The following ARHGAP32 variants were observed in gnomAD, a reference collection of about 807,000 sequenced individuals.
ARHGAP32 encodes the protein Rho GTPase activating protein 32, also known as rho GTPase-activating protein 32.
In ARHGAP32, 51 loss-of-function variants were observed where a neutral mutation model predicts 186.5. That is an observed-to-expected ratio of 0.27 (90% CI 0.22 to 0.35). The LOEUF is 0.35. Among genes scored for constraint, ARHGAP32 ranks in the 10% least tolerant of loss-of-function variants. ARHGAP32 has a pLI of 1.00. For missense variants in ARHGAP32, 2,186 were observed against 2,623.5 expected (o/e 0.83, Z 3.64); for synonymous variants, 950 against 964.3 (o/e 0.99, Z 0.27).
intron 1 of ARHGAP32, among the ~76,000 whole-genome samples, chr11:129,261,905 A>T (rs565246912): frequency 6.6e-6 from 1 of 152,356 alleles, no homozygotes; most frequent in Non-Finnish European, 1.5e-5. Flanking sequence ...TGCTGTAACA[A>T]GAAAAAAATC....
rs539039584 is a variant in ARHGAP32, at chr11:129,179,494, C to T, written c.116+12589G>A. Among the ~76,000 whole-genome samples, 607 of 151,968 alleles carry T rather than the reference C, an allele frequency of 4.0e-3. 1 individual carries two copies. Among genetic ancestry groups the T allele is most frequent in the African/African-American group, 0.014 (567 of 41,470 alleles). On this transcript the variant is annotated intron_variant, in intron 1 of 22. Coordinates refer to ENST00000682385, the MANE Select transcript of ARHGAP32 (RefSeq NM_001378024.1). ...ATGCTGCTATAAAGACACATGCACA[C>T]GTATGTTTATTGCGGCATTATTCAT...
chr11:129,013,439 G>C (rs1490797178), intron 11 of ARHGAP32, among the ~76,000 whole-genome samples: 2 of 152,186 alleles, frequency 1.3e-5, no homozygotes, highest in Admixed American at 1.3e-4. Context: ...ATGGTGACTA[G>C]TCATAAAGTC....
At chr11:129,089,811 TA>T (rs1179167947) in intron 6 of ARHGAP32, among the ~76,000 whole-genome samples, 12 of 152,194 alleles carry the variant, frequency 7.9e-5, no homozygotes, top group Non-Finnish European at 1.5e-4. Flanking sequence ...GCTAGCTTGG[TA>T]ACAATAAAAA....
chr11:129,103,465 G>C (rs1282586760), intron 5 of ARHGAP32, among the ~76,000 whole-genome samples: 2 of 152,046 alleles, frequency 1.3e-5, no homozygotes, highest in African/African-American at 2.4e-5. Context: ...AAGGAGATAA[G>C]AGAGAATGAA....
intron 2 of ARHGAP32, among the ~76,000 whole-genome samples, chr11:129,125,125 T>A (rs1361614702): frequency 6.6e-6 from 1 of 152,108 alleles, no homozygotes; most frequent in Non-Finnish European, 1.5e-5. Flanking sequence ...GAATAAGAAT[T>A]TTCATGCTTT....
intron 1 of ARHGAP32, among the ~76,000 whole-genome samples, chr11:129,241,626 C>T (rs532686234): frequency 1.3e-5 from 2 of 152,282 alleles, no homozygotes; most frequent in African/African-American, 4.8e-5. Flanking sequence ...GCCTGGGCAA[C>T]AGGGCAAGAC....
intron 7 of ARHGAP32, among the ~76,000 whole-genome samples, chr11:129,065,154 C>T (rs1489538882): frequency 2.0e-5 from 3 of 152,120 alleles, no homozygotes; most frequent in Non-Finnish European, 4.4e-5. Context: ...TTATCATCAG[C>T]GATCATACTA....
At chr11:128,976,277 A>C (rs1290639838) in intron 20 of ARHGAP32, among the ~76,000 whole-genome samples, 1 of 152,118 alleles carries the variant, frequency 6.6e-6, no homozygotes, top group Non-Finnish European at 1.5e-5. Flanking sequence ...GTAATAACAC[A>C]AGTTTTCACT....
rs1347035294 is a variant in ARHGAP32, at chr11:129,225,375, G to A, written c.-5+53771C>T. Among the ~76,000 whole-genome samples the A allele has an allele frequency of 6.6e-5, 10 of 152,242 alleles. No individual in the cohort carries two copies. In the East Asian group the frequency reaches 1.9e-3, roughly 29 times the overall value. ...TGACTCAGAGGCTCTGTGCAAGAAGGAAGTGATGGCTAAGCAAAGTTATCA... is the reference window on the plus strand; with the variant it reads ...TGACTCAGAGGCTCTGTGCAAGAAGAAAGTGATGGCTAAGCAAAGTTATCA... On this transcript the variant is annotated intron_variant, in intron 1 of 6. Coordinates refer to the ARHGAP32 transcript ENST00000525234.
intron 12 of ARHGAP32, among the ~76,000 whole-genome samples, chr11:128,990,422 A>T (rs1266232350): frequency 6.6e-6 from 1 of 152,190 alleles, no homozygotes; most frequent in Non-Finnish European, 1.5e-5. Flanking sequence ...AAAATTAGCA[A>T]GTGAATTAAT....
At chr11:129,036,909 G>A (rs947722223) in intron 11 of ARHGAP32, among the ~76,000 whole-genome samples, 1 of 152,190 alleles carries the variant, frequency 6.6e-6, no homozygotes, top group Admixed American at 6.5e-5. Flanking sequence ...CAGATTGGAA[G>A]GGAAGAAGTA....
intron 1 of ARHGAP32, among the ~76,000 whole-genome samples, chr11:129,171,871 G>A (rs922464649): frequency 6.6e-6 from 1 of 152,040 alleles, no homozygotes; most frequent in African/African-American, 2.4e-5. Flanking sequence ...AGTTCTCCTT[G>A]AAGAGGCCCT....
chr11:128,970,985 G>A lies in ARHGAP32; in HGVS notation c.4228C>T (p.His1410Tyr). 6.2e-7 allele frequency: 1 copy of A among 1,613,766 alleles called. No homozygotes were observed. Among genetic ancestry groups the A allele is most frequent in the South Asian group, 1.1e-5 (1 of 91,078 alleles). Residue 1410 changes from histidine (H) to tyrosine (Y), a missense_variant, in exon 23 of 23, where the codon CAC (histidine) becomes TAC (tyrosine). Physicochemically the swap from His to Tyr is moderately conservative, Grantham distance 83 (BLOSUM62 2). This residue lies in a region of ARHGAP32 where 1,502 missense variants were observed against 1,570.0 expected (regional missense o/e 0.96). Transcript: ENST00000682385. This position sits in a 1 kb window ranked among gnomAD's most constrained non-coding sequence, Gnocchi z 5.8. ...GCAGGGACAGACTCGGCGCGCAGGT[G>A]CAGCAGCGGGACCCGGGCACCGTCC... ...VRDGARVPLL[H>Y]LRAESVPAHP... is the part of the protein sequence containing the mutation.
At chr11:129,103,210 C>T (rs919860541) in intron 5 of ARHGAP32, among the ~76,000 whole-genome samples, 9 of 151,952 alleles carry the variant, frequency 5.9e-5, no homozygotes, top group Admixed American at 3.9e-4. Flanking sequence ...TATGGGAAAT[C>T]CAGCAGAGAT....
chr11:129,071,523 C>T (rs10893968), intron 6 of ARHGAP32, among the ~76,000 whole-genome samples: 41,153 of 151,824 alleles, frequency 0.27, 6,080 homozygotes, highest in Middle Eastern at 0.4. Flanking sequence ...ATCTTGCATC[C>T]GTCAAAATGG....
chr11:128,988,599 A>G (rs1380200874), intron 12 of ARHGAP32, among the ~76,000 whole-genome samples: 1 of 152,208 alleles, frequency 6.6e-6, no homozygotes, highest in Non-Finnish European at 1.5e-5. Context: ...TGCTTCTAGA[A>G]AAGGATCTTC....
intron 8 of ARHGAP32, 125 bp from the exon 9 acceptor site, chr11:129,064,149 A>AC (rs397787057): frequency 6.0e-6 from 5 of 836,076 alleles, no homozygotes; most frequent in African/African-American, 3.5e-5. Context: ...AAAAAAAAAA[A>AC]CTACCATTTA....
At chr11:129,239,922 TCTC>T (rs1944992386) in intron 1 of ARHGAP32, among the ~76,000 whole-genome samples, 1 of 152,148 alleles carries the variant, frequency 6.6e-6, no homozygotes, top group Non-Finnish European at 1.5e-5. Context: ...CCAAATTTCT[TCTC>T]CTATCTCTCA....
At chr11:129,164,461 A>ATC in intron 1 of ARHGAP32, 34 bp from the exon 2 acceptor site, 1 of 1,260,458 alleles carries the variant, frequency 7.9e-7, no homozygotes, top group Non-Finnish European at 1.1e-6. Context: ...TCTGATAAGA[A>ATC]TTTCCAATTC....
Sources: gnomAD v4.1 joint callset for allele counts (sites outside exome capture counted in the v4.1 genomes callset) on GRCh38, gnomAD v4.1.1 for gene constraint, gnomAD v4.1.1 regional missense constraint, Gnocchi (gnomAD v3.1) non-coding constraint, MANE v1.5 for transcripts, NCBI Gene and HGNC (gene_info 2026-07-23, HGNC 2026-07-21) for gene names.